The following ABCA9 variants were observed in gnomAD, a reference collection of about 807,000 sequenced individuals.
The protein encoded by ABCA9 is ATP binding cassette subfamily A member 9.
In ABCA9, 183 loss-of-function variants were observed where a neutral mutation model predicts 205.3. The ratio of observed to expected loss-of-function variants is 0.89; its 90% CI spans 0.79 to 1.01. The LOEUF is 1.01. ABCA9 is among the 50% of genes least tolerant of loss of function. ABCA9 has a pLI of 0.00. For synonymous variants in ABCA9, 651 were observed against 683.3 expected, an observed-to-expected ratio of 0.95 and a Z score of 0.74; for missense variants, 1,805 against 1,912.4, an observed-to-expected ratio of 0.94 and a Z score of 1.05.
At chr17:68,997,688 A>C (rs1168297261) in intron 25 of ABCA9, among the ~76,000 whole-genome samples, 3 of 151,242 alleles carry the variant, frequency 2.0e-5, no homozygotes, top group Non-Finnish European at 4.4e-5. Flanking sequence ...TGGCAGGTTA[A>C]GAGATTTCTC....
chr17:68,994,794 G>A (rs557749612), intron 26 of ABCA9, among the ~76,000 whole-genome samples: 4 of 152,186 alleles, frequency 2.6e-5, no homozygotes, highest in Middle Eastern at 3.4e-3. Context: ...TGGACTTTAC[G>A]CTATTTTTTC....
At chr17:69,008,372 C>T (rs1332344431) in intron 23 of ABCA9, 137 bp from the exon 24 acceptor site, 8 of 724,696 alleles carry the variant, frequency 1.1e-5, no homozygotes, top group Admixed American at 5.5e-5. Flanking sequence ...ATGATACCAC[C>T]ACTCGCCACA....
chr17:69,077,822 T>A, the ABCA9 span, among the ~76,000 whole-genome samples: 1 of 152,064 alleles, frequency 6.6e-6, no homozygotes, highest in African/African-American at 2.4e-5. Flanking sequence ...TTTGGTGATA[T>A]TCAGAATGAA....
At chr17:69,039,150 A>G (rs1414840328) in intron 6 of ABCA9, among the ~76,000 whole-genome samples, 2 of 152,250 alleles carry the variant, frequency 1.3e-5, no homozygotes, top group Admixed American at 6.5e-5. Flanking sequence ...AAAGTAATTT[A>G]TAGATTCAAT....
intron 26 of ABCA9, among the ~76,000 whole-genome samples, chr17:68,995,402 G>T (rs1221205852): frequency 1.3e-5 from 2 of 151,976 alleles, no homozygotes; most frequent in Non-Finnish European, 2.9e-5. Flanking sequence ...CATGTCATTG[G>T]CCTTCTTTTT....
chr17:68,989,380 A>G (rs1432574308), intron 30 of ABCA9, among the ~76,000 whole-genome samples: 1 of 152,116 alleles, frequency 6.6e-6, no homozygotes, highest in Admixed American at 6.6e-5. Flanking sequence ...TGTCATACAG[A>G]CAGTAAGAGG....
chr17:69,014,020 AC>A (rs1218788661), intron 22 of ABCA9, among the ~76,000 whole-genome samples: 1 of 152,142 alleles, frequency 6.6e-6, no homozygotes, highest in Non-Finnish European at 1.5e-5. Flanking sequence ...AATTCAGGTC[AC>A]TTGCTCATTC....
At chr17:68,993,862 A>G (rs929425957) in intron 26 of ABCA9, among the ~76,000 whole-genome samples, 2 of 150,866 alleles carry the variant, frequency 1.3e-5, no homozygotes, top group East Asian at 2.0e-4. Flanking sequence ...CCAGATCTCT[A>G]CTCTCTCTGC....
rs1162918272 is a variant in ABCA9 at position 68,975,692 on chromosome 17, G to T, written c.*223C>A. On this transcript the variant is annotated 3_prime_UTR_variant, in exon 39 of 39. Transcript: ENST00000340001. ...AACACAGTAGGAAACATGGGATTTGGTTGCTGGCACAAAGGCTGCATGGTA... is the reference window on the plus strand; with the variant it reads ...AACACAGTAGGAAACATGGGATTTGTTTGCTGGCACAAAGGCTGCATGGTA... The T allele has an allele frequency of 2.3e-6, 1 of 428,788 alleles. No homozygotes were observed. Among genetic ancestry groups the T allele is most frequent in the Non-Finnish European group, 4.2e-6 (1 of 238,580 alleles). 26.6% of individuals were successfully genotyped at this position (428,788 alleles called of 1,614,324 possible).
chr17:68,990,646 A>G (rs2069416599), intron 29 of ABCA9, among the ~76,000 whole-genome samples, 191 bp downstream of exon 29: 1 of 152,162 alleles, frequency 6.6e-6, no homozygotes, highest in African/African-American at 2.4e-5. Context: ...TCAGCCTCCC[A>G]AAGTGCATTG....
intron 26 of ABCA9, among the ~76,000 whole-genome samples, chr17:68,995,407 CT>C (rs2069584599): frequency 6.6e-6 from 1 of 152,160 alleles, no homozygotes; most frequent in Non-Finnish European, 1.5e-5. Context: ...CATTGGCCTT[CT>C]TTTTATTTCT....
At chr17:68,990,777 GT>G in intron 29 of ABCA9, 59 bp downstream of exon 29, 1 of 1,586,656 alleles carries the variant, frequency 6.3e-7, no homozygotes, top group South Asian at 1.2e-5. Flanking sequence ...AACTTAGAAA[GT>G]TTCTCACTTT....
intron 1 of ABCA9, among the ~76,000 whole-genome samples, chr17:69,052,574 G>T (rs1016030823): frequency 2.6e-5 from 4 of 152,118 alleles, no homozygotes; most frequent in Non-Finnish European, 1.5e-5. Context: ...AGAAAAAAAA[G>T]TCCACACCTG....
intron 11 of ABCA9, among the ~76,000 whole-genome samples, chr17:69,028,856 A>G (rs950071000): frequency 9.9e-5 from 15 of 152,176 alleles, no homozygotes. Flanking sequence ...TTTTTTGATA[A>G]AAGCAGTTTT....
In ABCA9 at chr17:68,986,297, C is replaced by T. The variant is rs2069237767; in HGVS notation, c.4075G>A (p.Glu1359Lys). ...QVILKGSGGG[E>K]PLGFLGYCPQ... is the part of the protein sequence containing the mutation. ...CAGTACCCCAGGAAGCCCAGGGGTT[C>T]CCCTCCACCGCTCCCTTTCAAAATC... The change falls in exon 32 of 39, where the codon GAA (glutamate) becomes AAA (lysine). Residue 1359 changes from glutamate (E) to lysine (K), a missense_variant. Physicochemically the swap from Glu to Lys is moderately conservative, Grantham distance 56. Transcript: ENST00000340001. 1 of 1,610,890 alleles carries T rather than the reference C, an allele frequency of 6.2e-7. No individual in the cohort carries two copies. The highest frequency in any genetic ancestry group is 8.5e-7 in the Non-Finnish European group (1 of 1,178,868).
At chr17:69,048,423 A>T (rs1410174166) in intron 3 of ABCA9, among the ~76,000 whole-genome samples, 1 of 129,840 alleles carries the variant, frequency 7.7e-6, no homozygotes, top group Admixed American at 7.9e-5. Flanking sequence ...GAAAGCATGG[A>T]CTTACGCCAC....
At chr17:68,978,659 C>A (rs1049263607) in intron 37 of ABCA9, among the ~76,000 whole-genome samples, 7 of 152,066 alleles carry the variant, frequency 4.6e-5, no homozygotes, top group African/African-American at 1.7e-4. Flanking sequence ...TTAGGGCAGG[C>A]CTGATGGTGA....
At chr17:69,016,853 C>CGT (rs142446139) in intron 21 of ABCA9, among the ~76,000 whole-genome samples, 3,733 of 150,962 alleles carry the variant, frequency 0.025, 143 homozygotes, top group African/African-American at 0.079. Flanking sequence ...CTTAAAATAA[C>CGT]GTGTGTGTGT....
chr17:69,049,622 A>T, intron 2 of ABCA9, 132 bp from the exon 3 acceptor site: 1 of 735,386 alleles, frequency 1.4e-6, no homozygotes, highest in Non-Finnish European at 2.1e-6. Context: ...CCTAGTTTTT[A>T]AATATCCTGA....
Sources: gnomAD v4.1 joint callset for allele counts (sites outside exome capture counted in the v4.1 genomes callset) on GRCh38, gnomAD v4.1.1 for gene constraint, MANE v1.5 for transcripts, NCBI Gene and HGNC (gene_info 2026-07-23, HGNC 2026-07-21) for gene names.